SMURF1: variants seen among roughly 807,000 people sequenced by gnomAD.
SMURF1 encodes SMAD specific E3 ubiquitin protein ligase 1.
Under a neutral mutation model 98.0 loss-of-function variants are expected in SMURF1, and 44 were observed. That is an observed-to-expected ratio of 0.45 (90% CI 0.35 to 0.58). The LOEUF (loss-of-function observed/expected upper bound fraction) is 0.58. Ranked by LOEUF, SMURF1 falls within the 20% of genes least tolerant of loss-of-function variation. The probability of loss-of-function intolerance (pLI) is 0.00; values close to 1 mark genes in which losing one functional copy is unlikely to be tolerated. For missense variants in SMURF1, 687 were observed against 938.4 expected (o/e 0.73, Z 3.50); for synonymous variants, 396 against 374.9 (o/e 1.06, Z -0.65).
intron 1 of SMURF1, among the ~76,000 whole-genome samples, chr7:99,102,202 T>C (rs1797099278): frequency 6.6e-6 from 1 of 152,190 alleles, no homozygotes; most frequent in African/African-American, 2.4e-5. Context: ...TATATTTTTA[T>C]ACATTCTAAA....
chr7:99,058,029 G>A (rs940394352), intron 3 of SMURF1, among the ~76,000 whole-genome samples: 1 of 152,040 alleles, frequency 6.6e-6, no homozygotes, highest in Non-Finnish European at 1.5e-5. Context: ...TCAACAAGCT[G>A]GGAAGAAGAA....
At chr7:99,078,501 C>A (rs958379038) in intron 1 of SMURF1, among the ~76,000 whole-genome samples, 26 of 151,876 alleles carry the variant, frequency 1.7e-4, no homozygotes, top group Non-Finnish European at 3.1e-4. Flanking sequence ...GGGTCCTCAA[C>A]CCCCCCTCCC....
chr7:99,115,667 AC>A (rs1297390883), intron 1 of SMURF1, among the ~76,000 whole-genome samples: 1 of 152,170 alleles, frequency 6.6e-6, no homozygotes, highest in Non-Finnish European at 1.5e-5. Context: ...AAATTAGGTA[AC>A]CCAGATGAAA....
At position 99,050,953 on chromosome 7, in the gene SMURF1, T is replaced by C. The variant is rs749832317; in HGVS notation, c.806+404A>G. ...TATGGCCTTGTAGAAGGAATTCGTA[T>C]AGAAAAGCTGCATCTCCCCCAGGAA... On this transcript the variant is annotated intron_variant, in intron 8 of 17. Transcript: ENST00000361368. The C allele has an allele frequency of 5.4e-5, 83 of 1,551,154 alleles. No individual in the cohort carries two copies. In the Admixed American group the frequency reaches 1.6e-3, roughly 29 times the overall value.
At position 99,050,607 on chromosome 7, in the gene SMURF1, C is replaced by T. The variant is rs1584460267; in HGVS notation, c.806+750G>A. 2.4e-5 allele frequency: 6 copies of T among 252,370 alleles called. No homozygotes were observed. The East Asian group carries it at 4.2e-4, about 18-fold the overall frequency. 15.6% of individuals were successfully genotyped at this position (252,370 alleles called of 1,614,324 possible). A position where few individuals can be genotyped will look rare whatever the true frequency, so the allele number is the denominator to read the frequency against. On this transcript the variant is annotated intron_variant, in intron 8 of 17. Transcript: ENST00000361368. ...ACAGTCAGAAGGGAGCACAGCTTTA[C>T]TGACCAAGATGTGTTTCTAATTAAC...
intron 1 of SMURF1, among the ~76,000 whole-genome samples, chr7:99,126,955 G>A (rs916605651): frequency 1.1e-5 from 1 of 94,476 alleles, no homozygotes. Context: ...TTCAGCATAG[G>A]TTGGGTCTGA....
chr7:99,111,929 G>C (rs1375046340), intron 1 of SMURF1, among the ~76,000 whole-genome samples: 8 of 152,198 alleles, frequency 5.3e-5, no homozygotes. Context: ...TAGAAGTGTG[G>C]GAGTGGTAGA....
intron 1 of SMURF1, among the ~76,000 whole-genome samples, chr7:99,092,231 T>C (rs1796829018): frequency 6.6e-6 from 1 of 152,244 alleles, no homozygotes; most frequent in South Asian, 2.1e-4. Flanking sequence ...TTTACTCATT[T>C]AACCTTTCCA....
chr7:99,138,137 A>T (rs1798037085), intron 1 of SMURF1, among the ~76,000 whole-genome samples: 1 of 151,754 alleles, frequency 6.6e-6, no homozygotes, highest in East Asian at 1.9e-4. Flanking sequence ...TTCCTTGTTT[A>T]AAAAAAAATT....
chr7:99,076,143 G>T (rs1019583161), intron 1 of SMURF1, among the ~76,000 whole-genome samples: 2 of 152,146 alleles, frequency 1.3e-5, no homozygotes, highest in Non-Finnish European at 2.9e-5. Flanking sequence ...GGGCTCAAGC[G>T]ATCCTCCAGC....
chr7:99,065,461 A>G (rs377255261), intron 1 of SMURF1, among the ~76,000 whole-genome samples: 10 of 152,092 alleles, frequency 6.6e-5, no homozygotes, highest in Non-Finnish European at 1.2e-4. Context: ...TTTTGTTACT[A>G]TTGTGAATGG....
chr7:99,118,349 C>T (rs1797509698), intron 1 of SMURF1, among the ~76,000 whole-genome samples: 1 of 152,126 alleles, frequency 6.6e-6, no homozygotes, highest in South Asian at 2.1e-4. Context: ...AAAACTTGCC[C>T]ACAAATGTTC....
At chr7:99,060,175 C>T (rs931584099) in intron 3 of SMURF1, among the ~76,000 whole-genome samples, 1 of 151,888 alleles carries the variant, frequency 6.6e-6, no homozygotes, top group African/African-American at 2.4e-5. Flanking sequence ...GTCAGGAGTT[C>T]AAGACCAGCC....
intron 1 of SMURF1, among the ~76,000 whole-genome samples, chr7:99,085,557 C>T (rs1305042480): frequency 1.3e-5 from 2 of 152,044 alleles, no homozygotes; most frequent in African/African-American, 4.8e-5. Context: ...ATATCTTATA[C>T]CAGAGCGCTG....
At chr7:99,034,119 C>T (rs1584439565) in intron 16 of SMURF1, among the ~76,000 whole-genome samples, 1 of 152,288 alleles carries the variant, frequency 6.6e-6, no homozygotes, top group East Asian at 1.9e-4. Flanking sequence ...TCCTCCCCCT[C>T]ACAGGCCACA....
intron 3 of SMURF1, among the ~76,000 whole-genome samples, chr7:99,057,803 G>A (rs530666545): frequency 2.6e-5 from 4 of 152,146 alleles, no homozygotes; most frequent in East Asian, 3.9e-4. Context: ...TCGCCATGTG[G>A]CCAGGTTGGT....
intron 8 of SMURF1, chr7:99,050,098 T>G (rs985482564): frequency 2.6e-5 from 4 of 156,308 alleles, no homozygotes; most frequent in African/African-American, 9.6e-5. Flanking sequence ...TCTCAGCTAC[T>G]TGGGAGGCTG....
At chr7:99,124,262 G>A (rs1986465) in intron 1 of SMURF1, among the ~76,000 whole-genome samples, 108,391 of 152,048 alleles carry the variant, frequency 0.71, 39,931 homozygotes, top group Non-Finnish European at 0.81. Flanking sequence ...AATCCAGGTT[G>A]GCAGCAGTCT....
intron 1 of SMURF1, among the ~76,000 whole-genome samples, chr7:99,071,602 G>A (rs1796324635): frequency 6.6e-6 from 1 of 152,190 alleles, no homozygotes; most frequent in African/African-American, 2.4e-5. Context: ...TCGCACACAG[G>A]AAGCAATTGC....
Sources: gnomAD v4.1 joint callset for allele counts (sites outside exome capture counted in the v4.1 genomes callset) on GRCh38, gnomAD v4.1.1 for gene constraint, MANE v1.5 for transcripts, NCBI Gene and HGNC (gene_info 2026-07-23, HGNC 2026-07-21) for gene names.